The following CRYBB2 variants were observed in gnomAD, a reference collection of about 807,000 sequenced individuals.
CRYBB2 encodes the protein beta-crystallin B2.
Under a neutral mutation model 24.3 loss-of-function variants are expected in CRYBB2, and 12 were observed. The ratio of observed to expected loss-of-function variants is 0.49; its 90% CI spans 0.32 to 0.80. The LOEUF is 0.80. Among genes scored for constraint, CRYBB2 ranks in the 30% least tolerant of loss-of-function variants. The probability of loss-of-function intolerance (pLI) is 0.04; values close to 1 mark genes in which losing one functional copy is unlikely to be tolerated. For missense variants in CRYBB2, 198 were observed against 268.5 expected (o/e 0.74, Z 1.83); for synonymous variants, 98 against 101.6 (o/e 0.96, Z 0.21).
At chr22:25,215,150 CA>C (rs775505628), upstream of CRYBB2, among the ~76,000 whole-genome samples, 3 of 152,238 alleles carry the variant, frequency 2.0e-5, no homozygotes, top group East Asian at 5.8e-4. Context: ...TGGCCATAAG[CA>C]AAATCTCTGC....
intron 2 of CRYBB2, among the ~76,000 whole-genome samples, chr22:25,224,542 TA>T (rs1468053905): frequency 6.6e-6 from 1 of 152,154 alleles, no homozygotes; most frequent in Non-Finnish European, 1.5e-5. Context: ...TTTTTCTTTT[TA>T]AAAAAATTAG....
chr22:25,226,025 A>T (rs911448459), intron 3 of CRYBB2, among the ~76,000 whole-genome samples: 5 of 152,190 alleles, frequency 3.3e-5, no homozygotes, highest in East Asian at 1.9e-4. Context: ...TTTCTTTTTT[A>T]AAAAATATAA....
At chr22:25,215,971 A>C (rs776647578), upstream of CRYBB2, among the ~76,000 whole-genome samples, 7 of 152,150 alleles carry the variant, frequency 4.6e-5, no homozygotes, top group Non-Finnish European at 8.8e-5. Context: ...CTGAGCCTCA[A>C]TTTTCTCTTT....
chr22:25,226,204 GTGTA>G (rs1342754861), intron 3 of CRYBB2, among the ~76,000 whole-genome samples: 2 of 129,778 alleles, frequency 1.5e-5, no homozygotes, highest in Non-Finnish European at 3.3e-5. Context: ...GTGTGTGTGT[GTGTA>G]TAATCAAATC....
At chr22:25,229,683 T>C in intron 5 of CRYBB2, 105 bp downstream of exon 5, 2 of 1,506,308 alleles carry the variant, frequency 1.3e-6, no homozygotes, top group Non-Finnish European at 1.8e-6. Flanking sequence ...CACACATCAG[T>C]GTGCTCTGCT....
intron 5 of CRYBB2, 62 bp downstream of exon 5, chr22:25,229,640 T>C: frequency 6.3e-7 from 1 of 1,595,906 alleles, no homozygotes; most frequent in Non-Finnish European, 8.6e-7. Flanking sequence ...GGGTCCTAAG[T>C]CCTGCTCTGC....
At chr22:25,214,293 G>A (rs1040066723) in intron 1 of CRYBB2, among the ~76,000 whole-genome samples, 1 of 152,202 alleles carries the variant, frequency 6.6e-6, no homozygotes, top group African/African-American at 2.4e-5. Context: ...AGCTGTGATA[G>A]CACCACCATG....
upstream of CRYBB2, among the ~76,000 whole-genome samples, chr22:25,218,717 A>AG (rs1162836244): frequency 0.023 from 1,824 of 79,064 alleles, 183 homozygotes; most frequent in African/African-American, 0.035. Flanking sequence ...GGAGAGAGAG[A>AG]GAGAGAGAGA....
chr22:25,225,148 G>C (rs1935389831), intron 3 of CRYBB2, 112 bp downstream of exon 3: 2 of 770,884 alleles, frequency 2.6e-6, no homozygotes, highest in East Asian at 2.5e-5. Flanking sequence ...CCAAGTTTTG[G>C]GGTCTGGCAG....
upstream of CRYBB2, among the ~76,000 whole-genome samples, chr22:25,218,842 A>AAGAGAG (rs1487361692): frequency 8.4e-6 from 1 of 118,804 alleles, no homozygotes; most frequent in Non-Finnish European, 1.8e-5. Context: ...AAGAAAGAGA[A>AAGAGAG]AGAAAGAAAG....
upstream of CRYBB2, among the ~76,000 whole-genome samples, chr22:25,215,588 C>A (rs576889209): frequency 1.3e-5 from 2 of 152,078 alleles, no homozygotes; most frequent in Non-Finnish European, 2.9e-5. Flanking sequence ...TCTCCCTGAC[C>A]GAGCTGGTCT....
chr22:25,218,548 C>G (rs1935219779), upstream of CRYBB2, among the ~76,000 whole-genome samples: 1 of 150,994 alleles, frequency 6.6e-6, no homozygotes, highest in Non-Finnish European at 1.5e-5. Flanking sequence ...CACCTGTAGT[C>G]CCAGCTACTG....
At chr22:25,230,811 C>G (rs943119915) in intron 5 of CRYBB2, among the ~76,000 whole-genome samples, 5 of 149,536 alleles carry the variant, frequency 3.3e-5, no homozygotes, top group African/African-American at 5.0e-5. Flanking sequence ...CTAGAAGGGG[C>G]AACTGTAAAT....
At chr22:25,231,489 G>T (rs1363345414) in intron 5 of CRYBB2, 115 bp from the exon 6 acceptor site, 1 of 1,010,212 alleles carries the variant, frequency 9.9e-7, no homozygotes, top group East Asian at 2.4e-5. Context: ...TGGTTGGGAG[G>T]CTTCACCCTT....
At chr22:25,226,804 G>T (rs1395802510) in intron 3 of CRYBB2, among the ~76,000 whole-genome samples, 1 of 152,212 alleles carries the variant, frequency 6.6e-6, no homozygotes, top group Non-Finnish European at 1.5e-5. Context: ...CTACTGAGTA[G>T]CTGGGATTAC....
rs28476738 is a variant in CRYBB2 at position 25,227,104 on chromosome 22, A to G, written c.174-749A>G. Among the ~76,000 whole-genome samples, 748 of 152,346 alleles carry G rather than the reference A, an allele frequency of 4.9e-3. 7 individuals are homozygous for G. Among genetic ancestry groups the G allele is most frequent in the African/African-American group, 0.017 (722 of 41,576 alleles). On this transcript the variant is annotated intron_variant, in intron 3 of 5. Transcript: ENST00000398215. ...ACTTAGATCATTCCTCTGAACAGCC[A>G]TTATTGCACATTGCTGAAATGTTCG...
At chr22:25,216,012 C>T (rs73162237), upstream of CRYBB2, among the ~76,000 whole-genome samples, 17,508 of 152,124 alleles carry the variant, frequency 0.12, 1,241 homozygotes, top group East Asian at 0.21. Flanking sequence ...AAATACAATA[C>T]TTACATCTTG....
intron 1 of CRYBB2, among the ~76,000 whole-genome samples, chr22:25,220,528 T>C (rs1455708165): frequency 1.3e-5 from 2 of 152,342 alleles, no homozygotes; most frequent in East Asian, 3.9e-4. Flanking sequence ...GAGCAGTAGA[T>C]TTGGCTGCCA....
chr22:25,222,142 G>A (rs1157653493), intron 2 of CRYBB2, among the ~76,000 whole-genome samples: 3 of 152,140 alleles, frequency 2.0e-5, no homozygotes, highest in Non-Finnish European at 2.9e-5. Flanking sequence ...GCCCTCCTGT[G>A]CCTCCCTGCT....
Sources: gnomAD v4.1 joint callset for allele counts (sites outside exome capture counted in the v4.1 genomes callset) on GRCh38, gnomAD v4.1.1 for gene constraint, MANE v1.5 for transcripts, NCBI Gene and HGNC (gene_info 2026-07-23, HGNC 2026-07-21) for gene names.